Variants in SCFD2 observed in about 807,000 individuals in gnomAD.
SCFD2 encodes the protein sec1 family domain containing 2.
A neutral mutation model predicts 58.9 loss-of-function variants in SCFD2; 54 were observed. The observed-to-expected ratio is 0.92, with a 90% CI of 0.74 to 1.15. SCFD2 has a LOEUF of 1.15. SCFD2 is among the 50% of genes most tolerant of loss of function. The pLI is 0.00. For synonymous variants in SCFD2, 321 were observed against 335.9 expected (o/e 0.96, Z 0.49); for missense variants, 805 against 836.6 (o/e 0.96, Z 0.47).
intron 4 of SCFD2, among the ~76,000 whole-genome samples, chr4:53,236,907 T>C (rs1729639752): frequency 2.0e-5 from 3 of 151,908 alleles, no homozygotes; most frequent in Admixed American, 1.3e-4. Flanking sequence ...GGCAGGGTCA[T>C]AGGACAATAG....
chr4:53,328,862 C>G (rs1438793091), intron 2 of SCFD2, among the ~76,000 whole-genome samples: 3 of 152,138 alleles, frequency 2.0e-5, no homozygotes, highest in African/African-American at 4.8e-5. Flanking sequence ...GAGTGCCAGA[C>G]AGTGGGCGCA....
chr4:53,022,828 G>C (rs1722381949), intron 5 of SCFD2, among the ~76,000 whole-genome samples: 1 of 152,156 alleles, frequency 6.6e-6, no homozygotes, highest in South Asian at 2.1e-4. Flanking sequence ...TATAACTGTA[G>C]GGGTGTGGAG....
At chr4:53,242,449 C>T (rs978259906) in intron 4 of SCFD2, among the ~76,000 whole-genome samples, 10 of 135,072 alleles carry the variant, frequency 7.4e-5, no homozygotes, top group Admixed American at 5.7e-4. Flanking sequence ...CCCCCAAGGT[C>T]ACCAAATAGG....
intron 2 of SCFD2, among the ~76,000 whole-genome samples, chr4:53,325,549 G>C (rs1733165893): frequency 6.6e-6 from 1 of 152,146 alleles, no homozygotes; most frequent in Non-Finnish European, 1.5e-5. Flanking sequence ...CAAATGGTCT[G>C]AATAAGTAAA....
rs930847561 is a variant in SCFD2 at position 53,123,450 on chromosome 4, G to T, written c.1561+21883C>A. Among the ~76,000 whole-genome samples, 5 of 149,970 alleles carry T rather than the reference G, an allele frequency of 3.3e-5. No individual in the cohort carries two copies. In the East Asian group the frequency reaches 7.9e-4, roughly 24 times the overall value. The stretch of plus-strand genomic sequence containing the variant: ...TGAGACCATGGAAACCAACAGTGGG[G>T]ACTGTCCAGTGCCAGAGACAGCTGA... On this transcript the variant is annotated intron_variant, in intron 5 of 8. Coordinates refer to ENST00000401642, the MANE Select transcript of SCFD2 (RefSeq NM_152540.4).
intron 4 of SCFD2, among the ~76,000 whole-genome samples, chr4:53,180,347 T>C (rs1166397653): frequency 3.9e-5 from 6 of 152,050 alleles, no homozygotes; most frequent in Non-Finnish European, 5.9e-5. Context: ...ATTAAGAAAC[T>C]CACTCAAAAC....
At position 53,323,530 on chromosome 4, in the gene SCFD2, A is replaced by ATTTTTT. The variant is rs1201482656; in HGVS notation, c.1008-9773_1008-9768dup. Among the ~76,000 whole-genome samples, 153 of 106,744 alleles carry ATTTTTT rather than the reference A, an allele frequency of 1.4e-3. 2 individuals carry two copies. Among genetic ancestry groups the ATTTTTT allele is most frequent in the South Asian group, 8.5e-3 (22 of 2,578 alleles). 70.0% of individuals were successfully genotyped at this position (106,744 alleles called of 152,430 possible). ...AGGTGCATGCCACCATGCCCAGCTA[A>ATTTTTT]TTTTTTTTTTTTTTTTTTTTTTTTT... On this transcript the variant is annotated intron_variant, in intron 2 of 8. Coordinates refer to ENST00000401642, the MANE Select transcript of SCFD2 (RefSeq NM_152540.4).
chr4:53,051,832 G>A (rs1723198195), intron 5 of SCFD2, among the ~76,000 whole-genome samples: 1 of 152,062 alleles, frequency 6.6e-6, no homozygotes, highest in African/African-American at 2.4e-5. Flanking sequence ...TCATCTTTTA[G>A]TCAAAGAGAA....
At chr4:53,261,464 G>T (rs530290696) in intron 4 of SCFD2, among the ~76,000 whole-genome samples, 2 of 152,104 alleles carry the variant, frequency 1.3e-5, no homozygotes, top group East Asian at 1.9e-4. Context: ...TTTGCATCTT[G>T]ATTTCATTGT....
rs757803849 is a variant in SCFD2, at chr4:53,365,506, T to C, written c.436A>G (p.Asn146Asp). Residue 146 changes from asparagine to aspartate, a missense_variant, in exon 1 of 9, where the codon AAC (asparagine) becomes GAC (aspartate). Physicochemically the swap from Asn to Asp is conservative, Grantham distance 23. Around this residue, in one of 3 missense-constraint regions of SCFD2, gnomAD observed 633 missense variants for 646.8 expected, o/e 0.98. Coordinates refer to ENST00000401642, the MANE Select transcript of SCFD2 (RefSeq NM_152540.4). The surrounding 1 kb of genome is among the most constrained non-coding windows in gnomAD (Gnocchi z 4.3). ...LEEKLCEWMG[N>D]MNYTAEVFHV... is the part of the protein sequence containing the mutation. ...AACACCTCGGCCGTGTAGTTCATGTTGCCCATCCATTCACACAGCTTCTCC... is the reference window on the plus strand; with the variant it reads ...AACACCTCGGCCGTGTAGTTCATGTCGCCCATCCATTCACACAGCTTCTCC... The C allele has an allele frequency of 1.3e-5, 21 of 1,614,106 alleles. No individual in the cohort carries two copies. Among genetic ancestry groups the C allele is most frequent in the Non-Finnish European group, 1.7e-5 (20 of 1,180,044 alleles).
At chr4:53,147,863 T>C (rs1459464321) in intron 4 of SCFD2, among the ~76,000 whole-genome samples, 3 of 152,254 alleles carry the variant, frequency 2.0e-5, no homozygotes, top group Non-Finnish European at 4.4e-5. Flanking sequence ...AAAGCCATCC[T>C]GGGCCACATG....
chr4:53,304,799 T>C (rs1164819562), intron 3 of SCFD2, among the ~76,000 whole-genome samples: 1 of 152,128 alleles, frequency 6.6e-6, no homozygotes, highest in East Asian at 1.9e-4. Context: ...GAGTTTGTTA[T>C]TACCCACCTT....
At chr4:53,025,210 A>T (rs1722444341) in intron 5 of SCFD2, among the ~76,000 whole-genome samples, 1 of 152,240 alleles carries the variant, frequency 6.6e-6, no homozygotes, top group Admixed American at 6.5e-5. Flanking sequence ...ATATAATACC[A>T]CATTCAGTTT....
intron 5 of SCFD2, among the ~76,000 whole-genome samples, chr4:53,097,366 T>G (rs1330732930): frequency 1.3e-5 from 2 of 152,230 alleles, no homozygotes; most frequent in Non-Finnish European, 2.9e-5. Flanking sequence ...GTTCTTCCAT[T>G]TGTTTGTGTC....
At chr4:53,140,273 GA>G (rs1364299091) in intron 5 of SCFD2, among the ~76,000 whole-genome samples, 1 of 150,262 alleles carries the variant, frequency 6.7e-6, no homozygotes, top group Non-Finnish European at 1.5e-5. Context: ...ATGTAGAAAA[GA>G]ATAATTATTG....
intron 4 of SCFD2, among the ~76,000 whole-genome samples, chr4:53,218,937 A>C (rs1299655336): frequency 1.3e-5 from 2 of 152,196 alleles, no homozygotes; most frequent in Non-Finnish European, 2.9e-5. Context: ...TCAGCAGCGG[A>C]GGCTGCAGAA....
intron 2 of SCFD2, among the ~76,000 whole-genome samples, chr4:53,343,768 C>T (rs573747029): frequency 4.1e-4 from 63 of 152,336 alleles, no homozygotes; most frequent in South Asian, 2.9e-3. Flanking sequence ...ATCAAGTGGG[C>T]TTCATCTCTG....
Position 53,140,395 on chromosome 4 carries a change from ATAT to A in SCFD2, c.1561+4935_1561+4937del, listed in dbSNP as rs1560353847. ...TAAAAAGAACACCAAAAATGCTAAT[ATAT>A]ATATATATATATATAAATTTTAATC... On this transcript the variant is annotated intron_variant, in intron 5 of 8. Coordinates refer to ENST00000401642, the MANE Select transcript of SCFD2 (RefSeq NM_152540.4). Among the ~76,000 whole-genome samples the A allele has an allele frequency of 5.8e-5, 8 of 139,042 alleles. 1 individual carries two copies. Among genetic ancestry groups the A allele is most frequent in the Non-Finnish European group, 7.7e-5 (5 of 64,718 alleles). The allele number at this position is 139,042 out of a possible 152,430, so 91.2% of individuals were successfully genotyped here. A position where few individuals can be genotyped will look rare whatever the true frequency, so the allele number is the denominator to read the frequency against.
intron 3 of SCFD2, among the ~76,000 whole-genome samples, chr4:53,279,618 T>C (rs1395366343): frequency 6.6e-6 from 1 of 152,254 alleles, no homozygotes; most frequent in Non-Finnish European, 1.5e-5. Context: ...TCTTATGATA[T>C]TGAATTCAAC....
Sources: allele counts gnomAD v4.1 joint callset (sites outside exome capture counted in the v4.1 genomes callset), GRCh38; gene constraint gnomAD v4.1.1; regional missense constraint gnomAD v4.1.1; non-coding constraint Gnocchi (gnomAD v3.1); transcripts MANE v1.5; gene names NCBI Gene and HGNC (gene_info 2026-07-23, HGNC 2026-07-21).